ABCD3: variants seen among roughly 807,000 people sequenced by gnomAD.
The protein encoded by ABCD3 is ATP binding cassette subfamily D member 3.
A neutral mutation model predicts 105.5 loss-of-function variants in ABCD3; 41 were observed. That is an observed-to-expected ratio of 0.39 (90% CI 0.30 to 0.50). The LOEUF is 0.50. Ranked by LOEUF, ABCD3 falls within the 20% of genes least tolerant of loss-of-function variation. The pLI is 0.84. For synonymous variants in ABCD3, 258 were observed against 269.0 expected, an observed-to-expected ratio of 0.96 and a Z score of 0.40; for missense variants, 622 against 806.3, an observed-to-expected ratio of 0.77 and a Z score of 2.77.
At chr1:94,479,903 G>A (rs1648955493) in intron 8 of ABCD3, among the ~76,000 whole-genome samples, 1 of 152,042 alleles carries the variant, frequency 6.6e-6, no homozygotes, top group African/African-American at 2.4e-5. Flanking sequence ...TAGTACAGCA[G>A]CTGGAAGCAA....
In ABCD3 at chr1:94,469,060, T is replaced by A. The variant is rs141090520; in HGVS notation, c.335+1053T>A. Among the ~76,000 whole-genome samples the A allele has an allele frequency of 5.4e-3, 821 of 152,342 alleles. 6 individuals are homozygous for A. The highest frequency in any genetic ancestry group is 0.019 in the African/African-American group (791 of 41,570). ...AGTAATACATGAACATAGCTTAATG[T>A]CAGATGTTCTGCAGGACTTAATGAC... On this transcript the variant is annotated intron_variant, in intron 4 of 22. Transcript: ENST00000370214.
chr1:94,464,958 A>G, intron 3 of ABCD3, 85 bp downstream of exon 3: 1 of 1,147,234 alleles, frequency 8.7e-7, no homozygotes, highest in Non-Finnish European at 1.3e-6. Flanking sequence ...TAAAGAAAAG[A>G]GATTTAATTG....
chr1:94,424,106 A>G lies in ABCD3; in HGVS notation c.110+5518A>G, dbSNP rs17111526. ...TTGGATGGAAAAAAAAGCATTGAAG[A>G]ATTTGCCAGCCAAAGTAGCTGTGTA... On this transcript the variant is annotated intron_variant, in intron 1 of 22. Coordinates refer to ENST00000370214, the MANE Select transcript of ABCD3 (RefSeq NM_002858.4). Among the ~76,000 whole-genome samples the G allele has an allele frequency of 4.6e-4, 70 of 152,318 alleles. No homozygotes were observed. In the East Asian group the frequency reaches 0.01, roughly 23 times the overall value.
chr1:94,510,857 C>T (rs1385418431), intron 21 of ABCD3, among the ~76,000 whole-genome samples: 1 of 152,064 alleles, frequency 6.6e-6, no homozygotes, highest in Non-Finnish European at 1.5e-5. Context: ...GATCTTCCTC[C>T]ATCCTTTTAT....
intron 21 of ABCD3, among the ~76,000 whole-genome samples, chr1:94,509,929 T>C (rs965190616): frequency 1.2e-4 from 18 of 152,280 alleles, no homozygotes; most frequent in Non-Finnish European, 2.6e-4. Context: ...GTTGATCCTT[T>C]CAAAAAACCA....
intron 1 of ABCD3, among the ~76,000 whole-genome samples, chr1:94,451,627 C>T (rs1324180553): frequency 6.6e-6 from 1 of 152,184 alleles, no homozygotes; most frequent in Admixed American, 6.5e-5. Flanking sequence ...TCATGAACTT[C>T]AAATCTAAGC....
intron 21 of ABCD3, 105 bp from the exon 22 acceptor site, chr1:94,515,041 A>T: frequency 2.2e-6 from 2 of 892,380 alleles, no homozygotes; most frequent in Non-Finnish European, 3.6e-6. Flanking sequence ...ATTGCTTTTT[A>T]ACTTTAGTCA....
At chr1:94,391,235 C>A in the ABCD3 span, among the ~76,000 whole-genome samples, 1 of 152,122 alleles carries the variant, frequency 6.6e-6, no homozygotes, top group South Asian at 2.1e-4. Flanking sequence ...TTCACCAGCT[C>A]TTGATGTATT....
the ABCD3 span, chr1:94,406,376 G>A: frequency 1.1e-5 from 2 of 185,084 alleles, no homozygotes; most frequent in South Asian, 1.5e-4. Context: ...GTGGGTTGTT[G>A]TTGTTGTTTT....
chr1:94,393,105 C>CA, the ABCD3 span, among the ~76,000 whole-genome samples: 3 of 148,446 alleles, frequency 2.0e-5, no homozygotes, highest in Admixed American at 2.1e-4. Flanking sequence ...GACTCCATCT[C>CA]AAAAAAATAA....
intron 1 of ABCD3, among the ~76,000 whole-genome samples, chr1:94,457,181 C>G (rs1647617008): frequency 6.6e-6 from 1 of 152,074 alleles, no homozygotes; most frequent in African/African-American, 2.4e-5. Context: ...TATTTTCTCC[C>G]ATAGTTTATC....
In ABCD3 at chr1:94,458,476, T is replaced by C. The variant is rs1647698697; in HGVS notation, c.111-131T>C. 3 of 796,522 alleles carry C rather than the reference T, an allele frequency of 3.8e-6. No individual in the cohort carries two copies. In the South Asian group the frequency reaches 4.7e-5, roughly 12 times the overall value. 49.3% of individuals were successfully genotyped at this position (796,522 alleles called of 1,614,324 possible). On this transcript the variant is annotated intron_variant, in intron 1 of 22. Transcript: ENST00000370214. Reference sequence around the variant, plus strand: ...GGTGGACTATTATTATTTAATATGTTCTATCTCACTATGATGTGAAAAAGA... The same window carrying C: ...GGTGGACTATTATTATTTAATATGTCCTATCTCACTATGATGTGAAAAAGA...
At chr1:94,480,277 A>G (rs1465714603) in intron 8 of ABCD3, 187 bp from the exon 9 acceptor site, 5 of 643,636 alleles carry the variant, frequency 7.8e-6, no homozygotes, top group Non-Finnish European at 2.7e-6. Flanking sequence ...GGAAAAGCCC[A>G]TGAGTAGTAA....
rs942218764 is a variant in ABCD3, at chr1:94,423,719, C to CT, written c.110+5141dup. On this transcript the variant is annotated intron_variant, in intron 1 of 22. Transcript: ENST00000370214. ...ATTCCCACTGCTGGAAATTTCTTGACTTTTTTTTTTGTCCTGAGTCTCAGC... is the reference window on the plus strand; with the variant it reads ...ATTCCCACTGCTGGAAATTTCTTGACTTTTTTTTTTTGTCCTGAGTCTCAGC... 8.1e-5 allele frequency among the ~76,000 whole-genome samples: 12 copies of CT among 148,566 alleles called. 1 individual carries two copies. Among genetic ancestry groups the CT allele is most frequent in the South Asian group, 2.1e-4 (1 of 4,670 alleles).
In ABCD3 at chr1:94,505,692, T is replaced by A. The variant is rs1358404066; in HGVS notation, c.1741-846T>A. Among the ~76,000 whole-genome samples the A allele has an allele frequency of 3.3e-5, 5 of 152,024 alleles. No individual in the cohort carries two copies. In the East Asian group the frequency reaches 9.7e-4, roughly 29 times the overall value. On this transcript the variant is annotated intron_variant, in intron 20 of 22. Coordinates refer to ENST00000370214, the MANE Select transcript of ABCD3 (RefSeq NM_002858.4). The stretch of plus-strand genomic sequence containing the variant: ...GGAGCTCCTGTATTTAATGGTCGAG[T>A]GAAGGAGAAAGTGCTAGAAAAGAAG...
intron 7 of ABCD3, among the ~76,000 whole-genome samples, chr1:94,477,150 G>A (rs1342496200): frequency 7.6e-6 from 1 of 131,358 alleles, no homozygotes; most frequent in Non-Finnish European, 1.6e-5. Context: ...CTTAAATTAT[G>A]AGTCATTATT....
chr1:94,415,532 G>C (rs1658984093), upstream of ABCD3, among the ~76,000 whole-genome samples: 1 of 152,194 alleles, frequency 6.6e-6, no homozygotes, highest in Admixed American at 6.5e-5. Context: ...CTGTTAGAAA[G>C]TTTGTTGTTC....
chr1:94,389,482 T>C, the ABCD3 span, among the ~76,000 whole-genome samples: 1 of 152,354 alleles, frequency 6.6e-6, no homozygotes, highest in East Asian at 1.9e-4. Flanking sequence ...GAGGACATGT[T>C]CCTGCTGCAG....
upstream of ABCD3, among the ~76,000 whole-genome samples, chr1:94,414,004 G>A (rs1338474950): frequency 6.6e-6 from 1 of 152,112 alleles, no homozygotes; most frequent in African/African-American, 2.4e-5. Context: ...GGGTAGGAAG[G>A]GATTCAGGTA....
Sources: gnomAD v4.1 joint callset for allele counts (sites outside exome capture counted in the v4.1 genomes callset) on GRCh38, gnomAD v4.1.1 for gene constraint, MANE v1.5 for transcripts, NCBI Gene and HGNC (gene_info 2026-07-23, HGNC 2026-07-21) for gene names.